The following IL34 variants were observed in gnomAD, a reference collection of about 807,000 sequenced individuals.
IL34 encodes the protein interleukin-34.
IL34 carries 17 observed loss-of-function variants against 25.3 expected under a neutral mutation model. The ratio of observed to expected loss-of-function variants is 0.67; its 90% CI spans 0.46 to 1.01. The LOEUF (loss-of-function observed/expected upper bound fraction) is 1.01, where lower values mean the gene tolerates loss of function less well. IL34 is among the 50% of genes least tolerant of loss of function. IL34 has a pLI of 0.00. For missense variants in IL34, 368 were observed against 312.9 expected (o/e 1.18, Z -1.33); for synonymous variants, 174 against 140.9 (o/e 1.23, Z -1.66).
At chr16:70,624,823 G>T (rs2051356063) in intron 1 of IL34, among the ~76,000 whole-genome samples, 1 of 151,954 alleles carries the variant, frequency 6.6e-6, no homozygotes, top group South Asian at 2.1e-4. Flanking sequence ...ACCTAGCTTG[G>T]CCTGGAGAGG....
intron 1 of IL34, among the ~76,000 whole-genome samples, chr16:70,620,279 T>C (rs367632445): frequency 2.6e-5 from 4 of 151,998 alleles, no homozygotes; most frequent in Non-Finnish European, 5.9e-5. Context: ...TTATACTTGA[T>C]GAAAAAGAGC....
intron 1 of IL34, among the ~76,000 whole-genome samples, chr16:70,610,998 G>A (rs1205587355): frequency 6.6e-6 from 1 of 152,008 alleles, no homozygotes; most frequent in Non-Finnish European, 1.5e-5. Flanking sequence ...GTTTGAGACA[G>A]GGTCTTGCTC....
intron 1 of IL34, among the ~76,000 whole-genome samples, chr16:70,640,878 C>T (rs2051765835): frequency 1.3e-5 from 2 of 152,102 alleles, no homozygotes; most frequent in Non-Finnish European, 2.9e-5. Context: ...TGGGATGTCA[C>T]CGATATAATT....
chr16:70,630,885 A>C (rs1324075127), intron 1 of IL34, among the ~76,000 whole-genome samples: 3 of 152,054 alleles, frequency 2.0e-5, no homozygotes, highest in African/African-American at 7.2e-5. Flanking sequence ...CATTTTCTTT[A>C]TTCATCTGCT....
chr16:70,649,990 G>T (rs1361740440), intron 1 of IL34, among the ~76,000 whole-genome samples: 2 of 152,064 alleles, frequency 1.3e-5, no homozygotes, highest in Non-Finnish European at 2.9e-5. Flanking sequence ...GTAGCGATGG[G>T]GTTTCACCAT....
chr16:70,620,722 T>C (rs951865387), intron 1 of IL34, among the ~76,000 whole-genome samples: 1 of 116,322 alleles, frequency 8.6e-6, no homozygotes, highest in South Asian at 3.8e-4. Flanking sequence ...ACAAGAATTA[T>C]TTAGATTTGC....
At chr16:70,656,851 C>A in intron 3 of IL34, 109 bp from the exon 4 acceptor site, 4 of 1,269,388 alleles carry the variant, frequency 3.2e-6, no homozygotes, top group South Asian at 1.3e-5. Flanking sequence ...CTGTCCACAG[C>A]GGACGGCCCG....
At chr16:70,586,421 G>A (rs2050695256) in intron 1 of IL34, among the ~76,000 whole-genome samples, 1 of 152,090 alleles carries the variant, frequency 6.6e-6, no homozygotes, top group Non-Finnish European at 1.5e-5. Context: ...ATAACTGGTG[G>A]TGTGTGTGCC....
chr16:70,644,214 G>A (rs114862657), upstream of IL34, among the ~76,000 whole-genome samples: 318 of 152,164 alleles, frequency 2.1e-3, 1 homozygote, highest in African/African-American at 6.8e-3. Context: ...ACCTTTTATG[G>A]ACAACTCTGT....
chr16:70,587,326 G>C (rs1182282470), intron 1 of IL34, among the ~76,000 whole-genome samples: 1 of 152,032 alleles, frequency 6.6e-6, no homozygotes, highest in East Asian at 1.9e-4. Context: ...CTGGAGTGCA[G>C]TGGCACAATC....
chr16:70,641,294 T>G (rs2051776811), intron 1 of IL34, among the ~76,000 whole-genome samples: 1 of 151,988 alleles, frequency 6.6e-6, no homozygotes, highest in Non-Finnish European at 1.5e-5. Context: ...AAGAAAATGT[T>G]ATGCCTACAC....
At chr16:70,649,430 C>G (rs1298619586) in intron 1 of IL34, among the ~76,000 whole-genome samples, 2 of 152,220 alleles carry the variant, frequency 1.3e-5, no homozygotes, top group Non-Finnish European at 2.9e-5. Context: ...CAATGGTAAA[C>G]TGACATGGCA....
upstream of IL34, among the ~76,000 whole-genome samples, chr16:70,644,173 C>T (rs1048655306): frequency 1.3e-5 from 2 of 152,184 alleles, no homozygotes; most frequent in African/African-American, 4.8e-5. Context: ...CAGGGTTTCA[C>T]CATGTTGGCC....
At chr16:70,657,545 G>C (rs563998177) in intron 4 of IL34, among the ~76,000 whole-genome samples, 2 of 152,222 alleles carry the variant, frequency 1.3e-5, no homozygotes, top group Non-Finnish European at 2.9e-5. Context: ...TGTAATCCCA[G>C]CACTTTGGGA....
chr16:70,625,345 C>A (rs775668575), intron 1 of IL34, among the ~76,000 whole-genome samples: 1 of 151,182 alleles, frequency 6.6e-6, no homozygotes, highest in Non-Finnish European at 1.5e-5. Context: ...GGGGTCGGGG[C>A]ATGGAAATAA....
chr16:70,645,400 T>A (rs12920334), upstream of IL34, among the ~76,000 whole-genome samples: 45,710 of 152,052 alleles, frequency 0.3, 7,150 homozygotes, highest in South Asian at 0.45. Context: ...TCTCCCCCGA[T>A]GGTGTCACTC....
At position 70,660,334 on chromosome 16, in the gene IL34, G is replaced by A; in HGVS notation, c.*147G>A. On this transcript the variant is annotated 3_prime_UTR_variant, in exon 6 of 6. Transcript: ENST00000288098. The stretch of plus-strand genomic sequence containing the variant: ...GTGTTTTTCCTTTGAGGGGGATTCT[G>A]TGCCACAGCAGGGCTCAGCTTCCTG... 1.4e-6 allele frequency: 1 copy of A among 703,736 alleles called. No homozygotes were observed. Among genetic ancestry groups the A allele is most frequent in the Non-Finnish European group, 2.2e-6 (1 of 450,320 alleles). 43.6% of individuals were successfully genotyped at this position (703,736 alleles called of 1,614,324 possible).
At chr16:70,618,518 G>A (rs2051210440) in intron 1 of IL34, among the ~76,000 whole-genome samples, 1 of 152,192 alleles carries the variant, frequency 6.6e-6, no homozygotes, top group Non-Finnish European at 1.5e-5. Context: ...GTTGAGCATA[G>A]TTTGTGATTT....
At chr16:70,591,388 G>T (rs2050752044) in intron 1 of IL34, among the ~76,000 whole-genome samples, 1 of 151,928 alleles carries the variant, frequency 6.6e-6, no homozygotes, top group African/African-American at 2.4e-5. Flanking sequence ...GGTGACTCTG[G>T]CAGGGACAGC....
Sources: allele counts gnomAD v4.1 joint callset (sites outside exome capture counted in the v4.1 genomes callset), GRCh38; gene constraint gnomAD v4.1.1; transcripts MANE v1.5; gene names NCBI Gene and HGNC (gene_info 2026-07-23, HGNC 2026-07-21).